ABCB8: variants seen among roughly 807,000 people sequenced by gnomAD.
ABCB8 encodes the protein mitochondrial potassium channel ATP-binding subunit.
ABCB8 carries 52 observed loss-of-function variants against 73.0 expected under a neutral mutation model. The ratio of observed to expected loss-of-function variants is 0.71; its 90% CI spans 0.57 to 0.90. The LOEUF (loss-of-function observed/expected upper bound fraction) is 0.90, where lower values mean the gene tolerates loss of function less well. Ranked by LOEUF, ABCB8 falls within the 40% of genes least tolerant of loss-of-function variation. ABCB8 has a pLI of 0.00. For synonymous variants in ABCB8, 428 were observed against 423.5 expected, an observed-to-expected ratio of 1.01 and a Z score of -0.13; for missense variants, 909 against 974.6, an observed-to-expected ratio of 0.93 and a Z score of 0.90.
At chr7:151,042,843 C>T (rs993988049) in intron 14 of ABCB8, among the ~76,000 whole-genome samples, 2 of 152,226 alleles carry the variant, frequency 1.3e-5, no homozygotes, top group Non-Finnish European at 2.9e-5. Context: ...GCCCAGCCAT[C>T]GTGTTCTAGA....
At chr7:151,036,424 A>C (rs572742453) in intron 8 of ABCB8, 120 bp from the exon 9 acceptor site, 20 of 1,013,062 alleles carry the variant, frequency 2.0e-5, no homozygotes, top group East Asian at 2.4e-5. Flanking sequence ...CCGAGGAGGA[A>C]GCCAACGCTG....
chr7:151,041,984 C>T lies in ABCB8; in HGVS notation c.1641C>T (p.Thr547=). The T allele has an allele frequency of 6.2e-7, 1 of 1,612,926 alleles. No individual in the cohort carries two copies. Residue 547 remains threonine (T), a synonymous_variant, in exon 14 of 16, where the codon ACC becomes ACT. Transcript: ENST00000358849. ...AGGAGCCCGTCCTGTTTGGGACGACCATCATGGAAAACATCCGCTTTGGGA... is the reference window on the plus strand; with the variant it reads ...AGGAGCCCGTCCTGTTTGGGACGACTATCATGGAAAACATCCGCTTTGGGA... ...ISQEPVLFGT[T]IMENIRFGKL...
At chr7:151,030,363 A>C (rs1044648028) in intron 1 of ABCB8, among the ~76,000 whole-genome samples, 7 of 151,192 alleles carry the variant, frequency 4.6e-5, no homozygotes, top group Admixed American at 6.6e-5. Flanking sequence ...AAAAATACAA[A>C]AATTAGCCAG....
intron 1 of ABCB8, chr7:151,028,814 C>T (rs373199381): frequency 3.2e-6 from 5 of 1,556,158 alleles, no homozygotes; most frequent in Non-Finnish European, 3.5e-6. Context: ...GCTCCTGCGT[C>T]TGCAGCCGCG....
intron 9 of ABCB8, chr7:151,038,205 G>C (rs1279632187): frequency 6.6e-6 from 1 of 152,280 alleles, no homozygotes; most frequent in Non-Finnish European, 1.5e-5. Flanking sequence ...TGGGACGGTC[G>C]TTTTAGTCCT....
chr7:151,041,868 A>ATT, intron 13 of ABCB8, 93 bp from the exon 14 acceptor site: 1 of 1,440,486 alleles, frequency 6.9e-7, no homozygotes, highest in Non-Finnish European at 9.5e-7. Context: ...AATCCACCAG[A>ATT]TAGACTGTCC....
rs777741819 is a variant in ABCB8, at chr7:151,035,945, G to A, written c.991G>A (p.Ala331Thr). Residue 331 changes from alanine to threonine, a missense_variant, in exon 7 of 16, where the codon GCC (alanine) becomes ACC (threonine). By Grantham distance (58) the Ala-to-Thr change is moderately conservative. Coordinates refer to ENST00000358849, the MANE Select transcript of ABCB8 (RefSeq NM_007188.5). The part of the protein sequence containing the change: ...LGNVRTVRAF[A>T]MEQREEERYG... ...CAATGTGCGGACTGTGCGTGCCTTC[G>A]CCATGGAGCAACGGGAAGAGGAGTG... The A allele has an allele frequency of 3.5e-5, 56 of 1,613,724 alleles. No homozygotes were observed. Among genetic ancestry groups the A allele is most frequent in the South Asian group, 3.4e-4 (31 of 91,090 alleles).
intron 9 of ABCB8, chr7:151,039,065 C>G (rs1796387302): frequency 1.3e-5 from 2 of 152,328 alleles, no homozygotes; most frequent in African/African-American, 4.8e-5. Context: ...CCAGCCGCCT[C>G]ATCAGAATCA....
At position 151,040,849 on chromosome 7, in the gene ABCB8, C is replaced by T. The variant is rs1796439865; in HGVS notation, c.1410C>T (p.Phe470=). ...VCFSYPCRPG[F]EVLKDFTLTL... is the part of the protein sequence containing the mutation. ...CCAGCTACCCCTGCCGCCCCGGCTT[C>T]GAGGTGCTGAAAGACTTCACCCTGA... is the stretch of plus-strand genomic sequence containing the variant. Residue 470 remains phenylalanine, a synonymous_variant, in exon 12 of 16, where the codon TTC becomes TTT. Coordinates refer to ENST00000358849, the MANE Select transcript of ABCB8 (RefSeq NM_007188.5). 3 of 1,599,004 alleles carry T rather than the reference C, an allele frequency of 1.9e-6. No individual in the cohort carries two copies. The highest frequency in any genetic ancestry group is 1.3e-5 in the African/African-American group (1 of 74,710).
intron 9 of ABCB8, 148 bp downstream of exon 9, chr7:151,036,797 G>T (rs530416398): frequency 3.8e-6 from 3 of 792,268 alleles, no homozygotes; most frequent in Non-Finnish European, 4.4e-6. Flanking sequence ...TGCATAGGGT[G>T]GGGAGAGAGA....
intron 1 of ABCB8, among the ~76,000 whole-genome samples, chr7:151,029,377 C>T (rs765355062): frequency 2.7e-5 from 4 of 150,502 alleles, no homozygotes; most frequent in Non-Finnish European, 4.4e-5. Flanking sequence ...ACAGGTTGGT[C>T]GAGAGAGAGA....
At chr7:151,037,646 C>A (rs1315725751) in intron 9 of ABCB8, 1 of 360,636 alleles carries the variant, frequency 2.8e-6, no homozygotes, top group Non-Finnish European at 5.3e-6. Flanking sequence ...CCCCATCCCT[C>A]CCCCCACGAC....
chr7:151,034,766 G>C lies in ABCB8; in HGVS notation c.702G>C (p.Leu234=). The part of the protein sequence containing the change: ...TFFDANKTGQ[L]VSRLTTDVQE... ...TTGACGCCAATAAGACAGGGCAGCT[G>C]GTGAGCCGCTTGACAACTGACGTGC... Residue 234 remains leucine, a synonymous_variant, in exon 5 of 16, where the codon CTG becomes CTC. Transcript: ENST00000358849. 6.2e-7 allele frequency: 1 copy of C among 1,614,096 alleles called. No individual in the cohort carries two copies. The highest frequency in any genetic ancestry group is 8.5e-7 in the Non-Finnish European group (1 of 1,179,980).
rs1230794868 is a variant in ABCB8, at chr7:151,047,140, C to T, written c.*1791C>T. 1.3e-5 allele frequency: 2 copies of T among 152,374 alleles called. No individual in the cohort carries two copies. Among genetic ancestry groups the T allele is most frequent in the African/African-American group, 2.4e-5 (1 of 41,588 alleles). 9.4% of individuals were successfully genotyped at this position (152,374 alleles called of 1,614,324 possible). A position where few individuals can be genotyped will look rare whatever the true frequency, so the allele number is the denominator to read the frequency against. ...CTGCTTCACCCACTCAGTCATCAGC[C>T]TCAGGCTGCCCAAAATGCCTCTGAC... On this transcript the variant is annotated 3_prime_UTR_variant, in exon 16 of 16. Coordinates refer to ENST00000358849, the MANE Select transcript of ABCB8 (RefSeq NM_007188.5).
chr7:151,032,545 T>C (rs894878399), intron 1 of ABCB8, among the ~76,000 whole-genome samples: 40 of 152,148 alleles, frequency 2.6e-4, no homozygotes, highest in Admixed American at 8.5e-4. Flanking sequence ...AATACAAAAA[T>C]TAGCTGGGCG....
chr7:151,028,901 T>C, intron 1 of ABCB8: 1 of 1,469,770 alleles, frequency 6.8e-7, no homozygotes, highest in Non-Finnish European at 9.1e-7. Context: ...TCCCCTTTCC[T>C]GGCCCTGGAG....
chr7:151,039,903 G>A (rs1224992586), intron 9 of ABCB8: 5 of 210,682 alleles, frequency 2.4e-5, no homozygotes, highest in East Asian at 2.8e-4. Flanking sequence ...TCCCTTCCTC[G>A]TGGGCTGATA....
At chr7:151,042,570 C>T (rs796310199) in intron 14 of ABCB8, among the ~76,000 whole-genome samples, 4 of 152,292 alleles carry the variant, frequency 2.6e-5, no homozygotes, top group African/African-American at 7.2e-5. Context: ...TCATTAGAAT[C>T]GGGGTGACTG....
chr7:151,028,922 GA>G, intron 1 of ABCB8: 1 of 1,389,058 alleles, frequency 7.2e-7, no homozygotes, highest in Non-Finnish European at 9.5e-7. Flanking sequence ...GTGATTGCGC[GA>G]TTTGGACGAA....
Sources: allele counts gnomAD v4.1 joint callset (sites outside exome capture counted in the v4.1 genomes callset), GRCh38; gene constraint gnomAD v4.1.1; transcripts MANE v1.5; gene names NCBI Gene and HGNC (gene_info 2026-07-23, HGNC 2026-07-21).